EPHA5: variants seen among roughly 807,000 people sequenced by gnomAD.
EPHA5 encodes the protein EPH receptor A5.
A neutral mutation model predicts 105.0 loss-of-function variants in EPHA5; 60 were observed. The observed-to-expected ratio is 0.57, with a 90% confidence interval of 0.46 to 0.71. The LOEUF is 0.71. EPHA5 is among the 30% of genes least tolerant of loss of function. The pLI is 0.00. For missense variants in EPHA5, 1,218 were observed against 1,274.7 expected (o/e 0.96, Z 0.68); for synonymous variants, 513 against 449.1 (o/e 1.14, Z -1.80).
intron 13 of EPHA5, 41 bp downstream of exon 13, chr4:65,351,348 C>T: frequency 6.5e-7 from 1 of 1,543,966 alleles, no homozygotes; most frequent in Non-Finnish European, 8.9e-7. Context: ...AAATAAATGG[C>T]TCTGGTCTAG....
intron 1 of EPHA5, among the ~76,000 whole-genome samples, chr4:65,655,222 T>C (rs1748951092): frequency 2.6e-5 from 4 of 152,060 alleles, no homozygotes; most frequent in African/African-American, 9.7e-5. Flanking sequence ...TTAAGTGATA[T>C]ATACATGTGA....
At chr4:65,347,891 C>T (rs1045607583) in intron 14 of EPHA5, among the ~76,000 whole-genome samples, 163 bp downstream of exon 14, 1 of 152,096 alleles carries the variant, frequency 6.6e-6, no homozygotes, top group Non-Finnish European at 1.5e-5. Flanking sequence ...ATTTTGAGCT[C>T]CTGCTTAAAG....
At position 65,612,570 on chromosome 4, in the gene EPHA5, C is replaced by T. The variant is rs144106824; in HGVS notation, c.247-10266G>A. ...GCCACATTTTCTTTATCCAATCATC[C>T]TTTGATGAACACTTAGGTTAATTCT... On this transcript the variant is annotated intron_variant, in intron 2 of 16. Coordinates refer to ENST00000613740, the MANE Select transcript of EPHA5 (RefSeq NM_001281766.3). Among the ~76,000 whole-genome samples, 317 of 152,222 alleles carry T rather than the reference C, an allele frequency of 2.1e-3. 1 individual carries two copies. The highest frequency in any genetic ancestry group is 7.1e-3 in the African/African-American group (294 of 41,542).
Position 65,490,642 on chromosome 4 carries a change from C to G in EPHA5, c.1137G>C (p.Pro379=), listed in dbSNP as rs747980985. The stretch of plus-strand genomic sequence containing the variant: ...CTTTCCTTCCACCAGTGTCAGCAGG[C>G]GGAATCCATTCCAGAAAGACACTAG... The part of the protein sequence containing the change: ...NETSVFLEWI[P]PADTGGRKDV... The change falls in exon 5 of 17, where the codon CCG becomes CCC. Residue 379 remains proline (P), a synonymous_variant. Coordinates refer to ENST00000613740, the MANE Select transcript of EPHA5 (RefSeq NM_001281766.3). The G allele has an allele frequency of 6.2e-7, 1 of 1,614,068 alleles. No homozygotes were observed.
chr4:65,330,900 T>C (rs1246266367), intron 16 of EPHA5: 2 of 1,038,190 alleles, frequency 1.9e-6, no homozygotes, highest in Admixed American at 5.7e-5. Flanking sequence ...GTCCTTTTAG[T>C]TATCGGTATG....
intron 5 of EPHA5, among the ~76,000 whole-genome samples, chr4:65,468,769 A>G (rs1729007897): frequency 6.7e-6 from 1 of 149,854 alleles, no homozygotes; most frequent in Non-Finnish European, 1.5e-5. Context: ...TTAAGTACTA[A>G]TAGACAAGCT....
intron 8 of EPHA5, among the ~76,000 whole-genome samples, chr4:65,379,354 G>A (rs1360012997): frequency 1.6e-4 from 24 of 151,312 alleles, no homozygotes; most frequent in Admixed American, 1.5e-3. Context: ...CATATCATTA[G>A]AATTCTACTT....
At chr4:65,645,559 T>C (rs936415828) in intron 1 of EPHA5, among the ~76,000 whole-genome samples, 1 of 152,012 alleles carries the variant, frequency 6.6e-6, no homozygotes, top group African/African-American at 2.4e-5. Context: ...AGATGGTTTT[T>C]CAAGATTCAG....
chr4:65,529,100 A>C (rs1281474667), intron 3 of EPHA5, among the ~76,000 whole-genome samples: 1 of 152,302 alleles, frequency 6.6e-6, no homozygotes, highest in East Asian at 1.9e-4. Context: ...GAATGTAATA[A>C]ATTTTCTTTT....
chr4:65,443,367 T>C (rs1166381334), intron 5 of EPHA5, among the ~76,000 whole-genome samples: 1 of 151,456 alleles, frequency 6.6e-6, no homozygotes, highest in Non-Finnish European at 1.5e-5. Context: ...ATAGTAAACA[T>C]ACTAGATATT....
chr4:65,584,815 T>G (rs930165020), intron 3 of EPHA5, among the ~76,000 whole-genome samples: 1 of 152,000 alleles, frequency 6.6e-6, no homozygotes, highest in Non-Finnish European at 1.5e-5. Flanking sequence ...CTTATGAAAG[T>G]ATTGTTAAAA....
chr4:65,338,866 G>A (rs1721433944), intron 14 of EPHA5, among the ~76,000 whole-genome samples: 3 of 151,950 alleles, frequency 2.0e-5, no homozygotes, highest in Admixed American at 1.3e-4. Context: ...TGACCAAAGT[G>A]CAATTTAGGT....
At chr4:65,552,368 C>T (rs138528702) in intron 3 of EPHA5, among the ~76,000 whole-genome samples, 46 of 152,326 alleles carry the variant, frequency 3.0e-4, no homozygotes, top group African/African-American at 1.0e-3. Context: ...ACCTTAGTTA[C>T]GGGCTTTAAA....
chr4:65,472,853 A>T (rs1005932370), intron 5 of EPHA5, among the ~76,000 whole-genome samples: 1 of 152,224 alleles, frequency 6.6e-6, no homozygotes, highest in Non-Finnish European at 1.5e-5. Flanking sequence ...TGTCTTTGCA[A>T]TTAACATCGA....
At chr4:65,431,372 C>T (rs910911012) in intron 5 of EPHA5, among the ~76,000 whole-genome samples, 3 of 152,036 alleles carry the variant, frequency 2.0e-5, no homozygotes, top group Non-Finnish European at 2.9e-5. Flanking sequence ...AACTTTGATA[C>T]TTCACGATTA....
At position 65,323,449 on chromosome 4, in the gene EPHA5, A is replaced by T. The variant is rs1719794766; in HGVS notation, c.*665T>A. On this transcript the variant is annotated 3_prime_UTR_variant, in exon 17 of 17. Transcript: ENST00000613740. ...ATTGCAAATTATACAGTATATACAC[A>T]TTTATTACCTAATAATCTCTAGAAG... 1.3e-5 allele frequency: 3 copies of T among 230,230 alleles called. No individual in the cohort carries two copies. In the South Asian group the frequency reaches 5.4e-4, roughly 42 times the overall value. 14.3% of individuals were successfully genotyped at this position (230,230 alleles called of 1,614,324 possible). A position where few individuals can be genotyped will look rare whatever the true frequency, so the allele number is the denominator to read the frequency against.
chr4:65,350,171 A>T (rs1282076255), intron 13 of EPHA5, among the ~76,000 whole-genome samples: 1 of 152,184 alleles, frequency 6.6e-6, no homozygotes, highest in African/African-American at 2.4e-5. Context: ...ATTAAAGGTA[A>T]CTCTATTCCC....
intron 3 of EPHA5, among the ~76,000 whole-genome samples, chr4:65,528,453 T>C (rs1254797162): frequency 6.6e-6 from 1 of 151,874 alleles, no homozygotes; most frequent in African/African-American, 2.4e-5. Flanking sequence ...CCTCCTCCTA[T>C]CCTTAAGAGA....
intron 1 of EPHA5, among the ~76,000 whole-genome samples, chr4:65,668,953 C>G (rs965130759): frequency 6.6e-6 from 1 of 151,976 alleles, no homozygotes; most frequent in Non-Finnish European, 1.5e-5. Flanking sequence ...GTGTGGGGCG[C>G]CTTCTGTCCT....
Sources: gnomAD v4.1 joint callset for allele counts (sites outside exome capture counted in the v4.1 genomes callset) on GRCh38, gnomAD v4.1.1 for gene constraint, MANE v1.5 for transcripts, NCBI Gene and HGNC (gene_info 2026-07-23, HGNC 2026-07-21) for gene names.